Variants in ADGRD1 observed in about 807,000 individuals in gnomAD.
The protein encoded by ADGRD1 is adhesion G protein-coupled receptor D1, also known as G-protein coupled receptor 133.
A neutral mutation model predicts 113.4 loss-of-function variants in ADGRD1; 77 were observed. That is an observed-to-expected ratio of 0.68 (90% confidence interval 0.57 to 0.82). ADGRD1 has a LOEUF of 0.82. Among genes scored for constraint, ADGRD1 ranks in the 40% least tolerant of loss-of-function variants. ADGRD1 has a pLI of 0.00. For synonymous variants in ADGRD1, 474 were observed against 475.0 expected (o/e 1.00, Z 0.03); for missense variants, 1,036 against 1,139.1 (o/e 0.91, Z 1.30).
At chr12:130,996,381 A>G in intron 8 of ADGRD1, among the ~76,000 whole-genome samples, 1 of 119,676 alleles carries the variant, frequency 8.4e-6, no homozygotes, top group East Asian at 2.3e-4. Flanking sequence ...CACCTCCTGG[A>G]CGGGGCGGCT....
chr12:130,996,955 G>A (rs1317333611), intron 8 of ADGRD1, among the ~76,000 whole-genome samples: 5 of 137,304 alleles, frequency 3.6e-5, no homozygotes, highest in African/African-American at 1.1e-4. Flanking sequence ...CTGGCCGGGT[G>A]GGGGGCTGAC....
At chr12:131,007,539 C>T (rs940137029) in intron 12 of ADGRD1, among the ~76,000 whole-genome samples, 3 of 152,232 alleles carry the variant, frequency 2.0e-5, no homozygotes, top group African/African-American at 7.2e-5. Flanking sequence ...GGGCCTCAGC[C>T]TTCACTCTCC....
chr12:131,017,196 TACACACAC>T (rs935436398), intron 13 of ADGRD1, among the ~76,000 whole-genome samples: 2 of 151,730 alleles, frequency 1.3e-5, no homozygotes, highest in Non-Finnish European at 2.9e-5. Context: ...TGCACACGCA[TACACACAC>T]ATGCACATGC....
intron 13 of ADGRD1, among the ~76,000 whole-genome samples, chr12:131,066,746 C>T (rs1185361732): frequency 6.6e-6 from 1 of 152,068 alleles, no homozygotes. Context: ...GAGGAGTGGC[C>T]ACGTGGATGG....
intron 8 of ADGRD1, chr12:130,994,267 A>G (rs1442567226): frequency 2.2e-6 from 1 of 452,952 alleles, no homozygotes; most frequent in Non-Finnish European, 4.4e-6. Flanking sequence ...CTTGGTATGC[A>G]GTAAGTGCTT....
intron 8 of ADGRD1, among the ~76,000 whole-genome samples, chr12:130,999,671 C>T (rs1449037022): frequency 4.6e-5 from 7 of 152,030 alleles, no homozygotes; most frequent in African/African-American, 9.7e-5. Flanking sequence ...CGGACATGAG[C>T]GTATGAGGCA....
chr12:131,002,547 C>A (rs1056322963), intron 9 of ADGRD1: 2 of 1,007,672 alleles, frequency 2.0e-6, no homozygotes, highest in African/African-American at 1.7e-5. Context: ...TGGCCCAGCT[C>A]AGCAGGGCTT....
At chr12:131,103,957 G>A (rs1193196428) in intron 15 of ADGRD1, among the ~76,000 whole-genome samples, 2 of 152,202 alleles carry the variant, frequency 1.3e-5, no homozygotes, top group Non-Finnish European at 2.9e-5. Context: ...GGAGCGCAGG[G>A]TCACATGTGT....
intron 8 of ADGRD1, among the ~76,000 whole-genome samples, chr12:130,996,651 C>T (rs1348088517): frequency 4.8e-4 from 47 of 97,384 alleles, no homozygotes; most frequent in Non-Finnish European, 4.8e-4. Context: ...GCTGGCCGGG[C>T]GGGGGGCTGA....
rs1438580784 is a variant in ADGRD1, at chr12:131,098,132, C to CCA, written c.1672-6698_1672-6697insAC. On this transcript the variant is annotated intron_variant, in intron 15 of 24. Coordinates refer to ENST00000261654, the MANE Select transcript of ADGRD1 (RefSeq NM_198827.5). The stretch of plus-strand genomic sequence containing the variant: ...TGCTGTCCCCTCTCCCACTGTCCTC[C>CCA]CGCGGTGGCCGCTGTCTGGGCCTCA... Among the ~76,000 whole-genome samples the CCA allele has an allele frequency of 6.0e-3, 874 of 144,906 alleles. 92 individuals carry two copies. The highest frequency in any genetic ancestry group is 5.3e-3 in the Non-Finnish European group (346 of 65,700).
intron 8 of ADGRD1, among the ~76,000 whole-genome samples, chr12:130,996,995 TG>T (rs1875543820): frequency 7.4e-6 from 1 of 134,634 alleles, no homozygotes; most frequent in African/African-American, 2.9e-5. Flanking sequence ...ATGGGGCGGC[TG>T]GCCAGGCGGG....
chr12:131,002,706 A>G, intron 9 of ADGRD1: 2 of 1,220,320 alleles, frequency 1.6e-6, no homozygotes, highest in South Asian at 2.9e-5. Context: ...AAGTCAAGGC[A>G]GCCAGAGATA....
intron 13 of ADGRD1, chr12:131,023,083 C>T (rs542176545): frequency 6.6e-6 from 1 of 152,208 alleles, no homozygotes; most frequent in African/African-American, 2.4e-5. Context: ...GCTGCACACA[C>T]AGGTTCAGAA....
intron 18 of ADGRD1, among the ~76,000 whole-genome samples, chr12:131,109,656 T>C (rs1215141312): frequency 6.6e-6 from 1 of 152,264 alleles, no homozygotes; most frequent in Non-Finnish European, 1.5e-5. Flanking sequence ...CCTTAGTAAG[T>C]ATCTATCCTG....
chr12:131,091,600 C>T (rs748505660), intron 15 of ADGRD1, among the ~76,000 whole-genome samples: 5 of 152,142 alleles, frequency 3.3e-5, no homozygotes, highest in Admixed American at 6.5e-5. Context: ...ATCCCCTATG[C>T]GTGGGTGTGT....
chr12:130,960,885 G>A (rs1870268857), intron 2 of ADGRD1, among the ~76,000 whole-genome samples: 1 of 152,126 alleles, frequency 6.6e-6, no homozygotes, highest in African/African-American at 2.4e-5. Context: ...CATGAGGGGA[G>A]GGGTCCTGTG....
chr12:131,019,254 C>T (rs970658392), intron 13 of ADGRD1, among the ~76,000 whole-genome samples: 3 of 152,156 alleles, frequency 2.0e-5, no homozygotes, highest in Admixed American at 6.5e-5. Flanking sequence ...TGGGCTGAGA[C>T]CTTCGGCAGC....
chr12:130,991,319 C>T (rs75883727), intron 7 of ADGRD1, among the ~76,000 whole-genome samples: 10 of 152,170 alleles, frequency 6.6e-5, no homozygotes, highest in Non-Finnish European at 1.0e-4. Context: ...AAGGAAATAC[C>T]GGGCTCATTC....
At chr12:131,122,203 G>A (rs1195156297) in intron 20 of ADGRD1, among the ~76,000 whole-genome samples, 1 of 152,176 alleles carries the variant, frequency 6.6e-6, no homozygotes, top group African/African-American at 2.4e-5. Context: ...GCCCAGGGGT[G>A]TTGCGCGGGG....
Sources: gnomAD v4.1 joint callset for allele counts (sites outside exome capture counted in the v4.1 genomes callset) on GRCh38, gnomAD v4.1.1 for gene constraint, MANE v1.5 for transcripts, NCBI Gene and HGNC (gene_info 2026-07-23, HGNC 2026-07-21) for gene names.